LBR: variants seen among roughly 807,000 people sequenced by gnomAD.
LBR encodes lamin B receptor.
LBR carries 28 observed loss-of-function variants against 74.3 expected under a neutral mutation model. The ratio of observed to expected loss-of-function variants is 0.38; its 90% confidence interval spans 0.28 to 0.52. The LOEUF (loss-of-function observed/expected upper bound fraction) is 0.52, where lower values mean the gene tolerates loss of function less well. Among genes scored for constraint, LBR ranks in the 20% least tolerant of loss-of-function variants. LBR has a pLI of 0.89. For synonymous variants in LBR, 228 were observed against 269.3 expected, an observed-to-expected ratio of 0.85 and a Z score of 1.50; for missense variants, 717 against 760.3, an observed-to-expected ratio of 0.94 and a Z score of 0.67.
chr1:225,420,834 T>C (rs1009364574), intron 3 of LBR, among the ~76,000 whole-genome samples: 1 of 151,944 alleles, frequency 6.6e-6, no homozygotes, highest in African/African-American at 2.4e-5. Context: ...ATTCATACAC[T>C]GATACTACTA....
rs1322222992 is a variant in LBR, at chr1:225,403,610, A to C, written c.1688-147T>G. 1.6e-5 allele frequency: 11 copies of C among 670,882 alleles called. No individual in the cohort carries two copies. In the Admixed American group the frequency reaches 2.7e-4, roughly 17 times the overall value. The allele number at this position is 670,882 out of a possible 1,614,324, so 41.6% of individuals were successfully genotyped here. On this transcript the variant is annotated intron_variant, in intron 13 of 13. Transcript: ENST00000272163. The stretch of plus-strand genomic sequence containing the variant: ...GATGAGAATAATTAAACAAGTCTGT[A>C]AAATCCCACTGGAAAGTGGCAGAAG...
intron 10 of LBR, among the ~76,000 whole-genome samples, chr1:225,409,136 G>A (rs1436450492): frequency 6.9e-6 from 1 of 145,192 alleles, no homozygotes; most frequent in East Asian, 2.1e-4. Flanking sequence ...GTTTAATTTT[G>A]GGTCGACGTG....
intron 7 of LBR, among the ~76,000 whole-genome samples, chr1:225,413,078 A>C (rs2150950777): frequency 6.6e-6 from 1 of 152,358 alleles, no homozygotes; most frequent in South Asian, 2.1e-4. Context: ...GCACCGAGCC[A>C]GGTTGGTAGT....
At position 225,412,630 on chromosome 1, in the gene LBR, A is replaced by T. The variant is rs1165682529; in HGVS notation, c.908T>A (p.Ile303Asn). The change falls in exon 8 of 14, where the codon ATC becomes AAC. Residue 303 changes from isoleucine (I) to asparagine (N), a missense_variant. Coordinates refer to ENST00000272163, the MANE Select transcript of LBR (RefSeq NM_002296.4). ...TGTTCCGATGACTGCAGATGTCAGG[A>T]TAAAAGCATAGAATCCTTTAAAAAA... is the stretch of plus-strand genomic sequence containing the variant. ...KYRLNGFYAFILTSAVIGTSL... is the reference protein window; with the variant it reads ...KYRLNGFYAFNLTSAVIGTSL... The T allele has an allele frequency of 2.2e-5, 35 of 1,599,894 alleles. No individual in the cohort carries two copies. Among genetic ancestry groups the T allele is most frequent in the Non-Finnish European group, 3.0e-5 (35 of 1,167,874 alleles).
At chr1:225,425,232 G>C (rs2096136723) in intron 1 of LBR, among the ~76,000 whole-genome samples, 1 of 151,976 alleles carries the variant, frequency 6.6e-6, no homozygotes, top group South Asian at 2.1e-4. Flanking sequence ...TGGGGGGGGA[G>C]GCGGGGTGAG....
At chr1:225,428,325 T>A (rs2096145468), upstream of LBR, among the ~76,000 whole-genome samples, 1 of 152,116 alleles carries the variant, frequency 6.6e-6, no homozygotes. Context: ...CACCGCCTTA[T>A]CTCAGCCGCC....
At position 225,418,564 on chromosome 1, in the gene LBR, T is replaced by C. The variant is rs187349875; in HGVS notation, c.641-384A>G. On this transcript the variant is annotated intron_variant, in intron 5 of 13. Transcript: ENST00000272163. ...AGCCTAATCTTAACAAAAAACTTTA[T>C]ATTCCTCAGTTTCTAACAATTAAAA... is the stretch of plus-strand genomic sequence containing the variant. Among the ~76,000 whole-genome samples, 61 of 152,278 alleles carry C rather than the reference T, an allele frequency of 4.0e-4. 1 individual carries two copies. In the East Asian group the frequency reaches 0.011, roughly 27 times the overall value.
chr1:225,418,396 TAA>T (rs566412801), intron 5 of LBR, among the ~76,000 whole-genome samples: 1 of 140,490 alleles, frequency 7.1e-6, no homozygotes. Context: ...TAAATAAAAA[TAA>T]AAAAAAAAAG....
rs764873714 is a variant in LBR at position 225,424,054 on chromosome 1, C to A, written c.22G>T (p.Asp8Tyr). 2.1e-5 allele frequency: 34 copies of A among 1,614,030 alleles called. No homozygotes were observed. Among genetic ancestry groups the A allele is most frequent in the Middle Eastern group, 3.3e-4 (2 of 6,084 alleles). The part of the protein sequence containing the change: MPSRKFA[D>Y]GEVVRGRWPG... ...CATCGACCTCTTACCACTTCACCATCGGCAAATTTCCTACTTGGCATTTTC... is the reference window on the plus strand; with the variant it reads ...CATCGACCTCTTACCACTTCACCATAGGCAAATTTCCTACTTGGCATTTTC... The change falls in exon 2 of 14, where the codon GAT becomes TAT. Residue 8 changes from aspartate to tyrosine, a missense_variant. Coordinates refer to ENST00000272163, the MANE Select transcript of LBR (RefSeq NM_002296.4).
intron 2 of LBR, 23 bp downstream of exon 2, chr1:225,423,888 T>G (rs1408653980): frequency 1.9e-6 from 3 of 1,606,096 alleles, no homozygotes; most frequent in Non-Finnish European, 2.6e-6. Context: ...AAACACACTC[T>G]GATAAACCAA....
In LBR at chr1:225,423,720, A is replaced by G. The variant is rs571122413; in HGVS notation, c.165+191T>C. Among the ~76,000 whole-genome samples, 8 of 152,324 alleles carry G rather than the reference A, an allele frequency of 5.3e-5. No homozygotes were observed. The East Asian group carries it at 1.5e-3, about 29-fold the overall frequency. ...ATGGCTGTCTTTCCCAGTAAGTGTG[A>G]GCTTCTTGGGAACAAGGACTATGCC... On this transcript the variant is annotated intron_variant, in intron 2 of 13. Transcript: ENST00000272163.
At chr1:225,410,896 A>T (rs986989265) in intron 9 of LBR, among the ~76,000 whole-genome samples, 1 of 152,230 alleles carries the variant, frequency 6.6e-6, no homozygotes, top group African/African-American at 2.4e-5. Context: ...CAATGCTGTC[A>T]CTATGTTAAT....
chr1:225,413,068 G>A (rs927562109), intron 7 of LBR, among the ~76,000 whole-genome samples: 1 of 152,134 alleles, frequency 6.6e-6, no homozygotes, highest in Non-Finnish European at 1.5e-5. Context: ...CAGGGGTCAG[G>A]CACCGAGCCA....
intron 2 of LBR, 58 bp downstream of exon 2, chr1:225,423,853 C>T: frequency 2.0e-6 from 3 of 1,502,980 alleles, no homozygotes; most frequent in South Asian, 1.1e-5. Context: ...AGAAACCATA[C>T]TTAGAGTTAT....
rs776256289 is a variant in LBR at position 225,419,293 on chromosome 1, C to T, written c.610G>A (p.Ala204Thr). ...ACTCCTCCAAACTCCAAGTCCTTTG[C>T]CCGGATGGGGGTCACTTCAAAGGTT... ...VRTFEVTPIR[A>T]KDLEFGGVPG... The change falls in exon 5 of 14, where the codon GCA becomes ACA. Residue 204 changes from alanine (A) to threonine (T), a missense_variant. Ala to Thr is a moderately conservative substitution (Grantham distance 58). Coordinates refer to ENST00000272163, the MANE Select transcript of LBR (RefSeq NM_002296.4). 1.2e-6 allele frequency: 2 copies of T among 1,614,250 alleles called. No individual in the cohort carries two copies. The highest frequency in any genetic ancestry group is 2.2e-5 in the East Asian group (1 of 44,874).
chr1:225,408,579 G>A (rs1200763279), intron 10 of LBR, among the ~76,000 whole-genome samples: 1 of 152,240 alleles, frequency 6.6e-6, no homozygotes, highest in East Asian at 1.9e-4. Context: ...CTTGAATACA[G>A]AGGGATTTCT....
Position 225,404,502 on chromosome 1 carries a change from G to A in LBR, c.1589C>T (p.Thr530Met), listed in dbSNP as rs748116336. Reference sequence around the variant, plus strand: ...TCCAGAAACTAGAAGATTTTTTCCCGTTGAAGTATGAATGGTTTTTAAATC... The same window carrying A: ...TCCAGAAACTAGAAGATTTTTTCCCATTGAAGTATGAATGGTTTTTAAATC... The part of the protein sequence containing the change: ...LAHLKTIHTS[T>M]GKNLLVSGWW... Residue 530 changes from threonine (T) to methionine (M), a missense_variant, in exon 13 of 14, where the codon ACG (threonine) becomes ATG (methionine). Coordinates refer to ENST00000272163, the MANE Select transcript of LBR (RefSeq NM_002296.4). 46 of 1,612,538 alleles carry A rather than the reference G, an allele frequency of 2.9e-5. No homozygotes were observed. Among genetic ancestry groups the A allele is most frequent in the Non-Finnish European group, 3.6e-5 (42 of 1,178,862 alleles).
rs138462331 is a variant in LBR, at chr1:225,419,315, G to C, written c.588C>G (p.Thr196=). 1 of 1,614,058 alleles carries C rather than the reference G, an allele frequency of 6.2e-7. No individual in the cohort carries two copies. The highest frequency in any genetic ancestry group is 8.5e-7 in the Non-Finnish European group (1 of 1,180,048). ...KYVAKELAVR[T]FEVTPIRAKD... ...TTGCCCGGATGGGGGTCACTTCAAAGGTTCTCACTGCCAGTTCTTTTGCAA... is the reference window on the plus strand; with the variant it reads ...TTGCCCGGATGGGGGTCACTTCAAACGTTCTCACTGCCAGTTCTTTTGCAA... The change falls in exon 5 of 14, where the codon ACC becomes ACG. Residue 196 remains threonine (T), a synonymous_variant. Transcript: ENST00000272163.
Position 225,415,298 on chromosome 1 carries a change from C to T in LBR, c.872G>A (p.Arg291Lys). 1 of 1,594,376 alleles carries T rather than the reference C, an allele frequency of 6.3e-7. No homozygotes were observed. Residue 291 changes from arginine to lysine, a missense_variant, in exon 7 of 14, where the codon AGA (arginine) becomes AAA (lysine). Transcript: ENST00000272163. ...ATCACCATTTAATCTATACTTGAGT[C>T]TTCTTCCATCAATAAGAGGCGTTCC... is the stretch of plus-strand genomic sequence containing the variant. ...VEGTPLIDGR[R>K]LKYRLNGFYA...
Sources: allele counts gnomAD v4.1 joint callset (sites outside exome capture counted in the v4.1 genomes callset), GRCh38; gene constraint gnomAD v4.1.1; transcripts MANE v1.5; gene names NCBI Gene and HGNC (gene_info 2026-07-23, HGNC 2026-07-21).